GPR107: variants seen among roughly 807,000 people sequenced by gnomAD.
GPR107 encodes the protein G protein-coupled receptor 107.
Under a neutral mutation model 75.5 loss-of-function variants are expected in GPR107, and 31 were observed. That is an observed-to-expected ratio of 0.41 (90% CI 0.31 to 0.55). The LOEUF (loss-of-function observed/expected upper bound fraction) is 0.55. Among genes scored for constraint, GPR107 ranks in the 20% least tolerant of loss-of-function variants. The pLI, the probability that GPR107 is intolerant of heterozygous loss-of-function variation, is 0.26. For synonymous variants in GPR107, 267 were observed against 251.3 expected, an observed-to-expected ratio of 1.06 and a Z score of -0.59; for missense variants, 572 against 665.7, an observed-to-expected ratio of 0.86 and a Z score of 1.55.
intron 9 of GPR107, among the ~76,000 whole-genome samples, chr9:130,096,562 G>A (rs944705966): frequency 1.4e-5 from 2 of 141,558 alleles, no homozygotes; most frequent in Non-Finnish European, 3.0e-5. Flanking sequence ...TCCGCCTCCC[G>A]GGTCAAGCAA....
At chr9:130,105,724 T>G (rs1483309285) in intron 13 of GPR107, among the ~76,000 whole-genome samples, 4 of 152,016 alleles carry the variant, frequency 2.6e-5, no homozygotes, top group Middle Eastern at 6.8e-3. Context: ...TCACACATGA[T>G]CTCGTATCAG....
rs1390651812 is a variant in GPR107, at chr9:130,140,071, A to T, written c.*4950A>T. 6.6e-6 allele frequency: 1 copy of T among 152,138 alleles called. No individual in the cohort carries two copies. The highest frequency in any genetic ancestry group is 2.4e-5 in the African/African-American group (1 of 41,428). The allele number at this position is 152,138 out of a possible 1,614,324, so 9.4% of individuals were successfully genotyped here. A position where few individuals can be genotyped will look rare whatever the true frequency, so the allele number is the denominator to read the frequency against. On this transcript the variant is annotated 3_prime_UTR_variant, in exon 18 of 18. Transcript: ENST00000347136. The surrounding 1 kb of genome is among the most constrained non-coding windows in gnomAD (Gnocchi z 4.0). ...TGAAGAGTATTTATGTAAACATACA[A>T]CGTATAATGGGTGGGGGATCCGATC...
chr9:130,065,548 T>C (rs1454872037), intron 1 of GPR107, among the ~76,000 whole-genome samples: 1 of 150,516 alleles, frequency 6.6e-6, no homozygotes, highest in African/African-American at 2.4e-5. Flanking sequence ...GGCACCTCAC[T>C]TGAGGTCAAA....
chr9:130,117,216 A>G, intron 14 of GPR107, among the ~76,000 whole-genome samples: 1 of 152,018 alleles, frequency 6.6e-6, no homozygotes. Flanking sequence ...CATAGTGCTG[A>G]GATTACAGGT....
At chr9:130,075,570 T>C in intron 1 of GPR107, 66 bp from the exon 2 acceptor site, 1 of 857,696 alleles carries the variant, frequency 1.2e-6, no homozygotes, top group Non-Finnish European at 2.0e-6. Flanking sequence ...TTAAAGCAAA[T>C]GAATAGGTTA....
chr9:130,080,240 G>A lies in GPR107; in HGVS notation c.526+471G>A, dbSNP rs143455890. On this transcript the variant is annotated intron_variant, in intron 5 of 17. Coordinates refer to ENST00000347136, the MANE Select transcript of GPR107 (RefSeq NM_020960.5). Reference sequence around the variant, plus strand: ...ATGCATAGAACTGTCTTCGTATAGCGAACGTTCTTTAAGATGGTTTTCAGA... The same window carrying A: ...ATGCATAGAACTGTCTTCGTATAGCAAACGTTCTTTAAGATGGTTTTCAGA... Among the ~76,000 whole-genome samples, 1,179 of 152,200 alleles carry A rather than the reference G, an allele frequency of 7.7e-3. 16 individuals are homozygous for A. Among genetic ancestry groups the A allele is most frequent in the African/African-American group, 0.027 (1,110 of 41,522 alleles).
rs1830756043 is a variant in GPR107, at chr9:130,092,259, A to G, written c.741A>G (p.Thr247=). The change falls in exon 9 of 18, where the codon ACA becomes ACG. Residue 247 remains threonine, a synonymous_variant. Transcript: ENST00000347136. Reference sequence around the variant, plus strand: ...CATGCTGGTTTCAGATTGAGATCACAGAGAAGAATCCTGACAGCTACCTCT... The same window carrying G: ...CATGCTGGTTTCAGATTGAGATCACGGAGAAGAATCCTGACAGCTACCTCT... ...KFTFSLDIEI[T]EKNPDSYLSA... The G allele has an allele frequency of 6.8e-6, 11 of 1,610,686 alleles. No homozygotes were observed. The highest frequency in any genetic ancestry group is 1.1e-5 in the South Asian group (1 of 91,010).
chr9:130,059,285 C>T (rs559211196), intron 1 of GPR107, among the ~76,000 whole-genome samples: 4 of 152,118 alleles, frequency 2.6e-5, no homozygotes, highest in South Asian at 4.2e-4. Context: ...GTCAGGAGTT[C>T]GAGACCAGCC....
At chr9:130,117,674 C>G (rs1372952696) in intron 14 of GPR107, among the ~76,000 whole-genome samples, 2 of 152,162 alleles carry the variant, frequency 1.3e-5, no homozygotes, top group African/African-American at 2.4e-5. Context: ...CCAGGCTGTC[C>G]ATCGTCTTTA....
At chr9:130,128,479 G>T (rs1316614205) in intron 16 of GPR107, among the ~76,000 whole-genome samples, 161 bp from the exon 17 acceptor site, 1 of 152,180 alleles carries the variant, frequency 6.6e-6, no homozygotes, top group Non-Finnish European at 1.5e-5. Flanking sequence ...TTTAGGCCTC[G>T]GCAAGTCTAA....
chr9:130,115,415 C>A (rs548912533), intron 14 of GPR107, among the ~76,000 whole-genome samples: 2 of 152,072 alleles, frequency 1.3e-5, no homozygotes, highest in Non-Finnish European at 2.9e-5. Context: ...TCTATCACTT[C>A]CACTGGAATG....
chr9:130,074,092 A>G (rs1830282256), intron 1 of GPR107, among the ~76,000 whole-genome samples: 1 of 152,200 alleles, frequency 6.6e-6, no homozygotes, highest in Admixed American at 6.5e-5. Flanking sequence ...GAGGGGAAAC[A>G]GGGACCATAG....
chr9:130,070,057 G>A (rs1448765565), intron 1 of GPR107, among the ~76,000 whole-genome samples: 2 of 139,174 alleles, frequency 1.4e-5, no homozygotes, highest in Non-Finnish European at 3.0e-5. Flanking sequence ...AGGCTGGAGT[G>A]CAGTGGCATG....
At chr9:130,096,776 A>G (rs912468164) in intron 9 of GPR107, among the ~76,000 whole-genome samples, 17 of 152,082 alleles carry the variant, frequency 1.1e-4, no homozygotes, top group Non-Finnish European at 2.1e-4. Flanking sequence ...GGATATTTCT[A>G]TATTCTTATA....
intron 14 of GPR107, among the ~76,000 whole-genome samples, chr9:130,111,256 A>G (rs2132626350): frequency 6.6e-6 from 1 of 152,238 alleles, no homozygotes; most frequent in Admixed American, 6.5e-5. Flanking sequence ...GCTTGAGGCC[A>G]GGAGTTTTAG....
intron 1 of GPR107, among the ~76,000 whole-genome samples, chr9:130,067,937 GT>G (rs1257286889): frequency 6.6e-6 from 1 of 151,572 alleles, no homozygotes; most frequent in African/African-American, 2.4e-5. Flanking sequence ...TAGAGATGAG[GT>G]TTCACCATAT....
At chr9:130,126,316 T>C (rs1055926198) in intron 15 of GPR107, among the ~76,000 whole-genome samples, 4 of 151,444 alleles carry the variant, frequency 2.6e-5, no homozygotes, top group Non-Finnish European at 5.9e-5. Context: ...GTTTGCTTCC[T>C]GAGTCTTGAA....
chr9:130,056,495 G>T (rs948958818), intron 1 of GPR107, among the ~76,000 whole-genome samples: 1 of 151,870 alleles, frequency 6.6e-6, no homozygotes, highest in African/African-American at 2.4e-5. Context: ...GAAGTCAGGG[G>T]TGTCCAATCT....
At chr9:130,128,283 T>A (rs972232291) in intron 16 of GPR107, among the ~76,000 whole-genome samples, 3 of 152,200 alleles carry the variant, frequency 2.0e-5, no homozygotes, top group African/African-American at 7.2e-5. Context: ...TGCGACAAAC[T>A]AGAACTAGCT....
Sources: allele counts gnomAD v4.1 joint callset (sites outside exome capture counted in the v4.1 genomes callset), GRCh38; gene constraint gnomAD v4.1.1; non-coding constraint Gnocchi (gnomAD v3.1); transcripts MANE v1.5; gene names NCBI Gene and HGNC (gene_info 2026-07-23, HGNC 2026-07-21).